The following BBX variants were observed in gnomAD, a reference collection of about 807,000 sequenced individuals.
BBX encodes BBX high mobility group box domain containing.
In BBX, 30 loss-of-function variants were observed where a neutral mutation model predicts 100.2. The observed-to-expected ratio is 0.30, with a 90% CI of 0.22 to 0.41. The LOEUF (loss-of-function observed/expected upper bound fraction) is 0.41. Ranked by LOEUF, BBX falls within the 10% of genes least tolerant of loss-of-function variation. The pLI, the probability that BBX is intolerant of heterozygous loss-of-function variation, is 1.00. For synonymous variants in BBX, 376 were observed against 388.1 expected, an observed-to-expected ratio of 0.97 and a Z score of 0.37; for missense variants, 1,023 against 1,129.8, an observed-to-expected ratio of 0.91 and a Z score of 1.35.
chr3:107,759,134 C>G (rs1560106628), intron 10 of BBX, among the ~76,000 whole-genome samples: 2 of 152,150 alleles, frequency 1.3e-5, no homozygotes, highest in Non-Finnish European at 2.9e-5. Flanking sequence ...GCCTGTACTC[C>G]CAACTTTAGC....
intron 9 of BBX, among the ~76,000 whole-genome samples, chr3:107,753,753 T>C (rs527542337): frequency 5.9e-5 from 9 of 152,308 alleles, no homozygotes; most frequent in Admixed American, 5.2e-4. Context: ...TGAAGTGCAG[T>C]GCTACGCAGC....
chr3:107,698,973 A>AAGGAC (rs998502113), intron 3 of BBX, among the ~76,000 whole-genome samples: 2 of 151,738 alleles, frequency 1.3e-5, no homozygotes, highest in African/African-American at 4.9e-5. Flanking sequence ...GAACAAGGAA[A>AAGGAC]AGGACTATGG....
rs561462530 is a variant in BBX at position 107,548,811 on chromosome 3, A to G, written c.-84+22413A>G. ...CACTGTGGAATACTATGCAGCCATA[A>G]AAAAGGAACAAAATCATGTCCTTTG... On this transcript the variant is annotated intron_variant, in intron 2 of 17. Transcript: ENST00000325805. Among the ~76,000 whole-genome samples the G allele has an allele frequency of 7.9e-5, 12 of 152,334 alleles. No individual in the cohort carries two copies. In the South Asian group the frequency reaches 2.5e-3, roughly 32 times the overall value.
intron 3 of BBX, among the ~76,000 whole-genome samples, chr3:107,673,707 T>C (rs1041282136): frequency 1.3e-5 from 2 of 152,168 alleles, no homozygotes; most frequent in Non-Finnish European, 2.9e-5. Flanking sequence ...TTCAAGTTTT[T>C]TTTTAGAAAT....
intron 5 of BBX, among the ~76,000 whole-genome samples, chr3:107,726,402 C>G (rs953693427): frequency 2.0e-5 from 3 of 151,876 alleles, no homozygotes; most frequent in Non-Finnish European, 4.4e-5. Context: ...TCCTTAAGGA[C>G]AAAGACTGTG....
rs572389742 is a variant in BBX, at chr3:107,584,579, GA to G, written c.-84+58183del. Among the ~76,000 whole-genome samples, 342 of 147,820 alleles carry G rather than the reference GA, an allele frequency of 2.3e-3. 2 individuals carry two copies. The highest frequency in any genetic ancestry group is 7.4e-3 in the African/African-American group (301 of 40,436). ...CATAAATGCTTAACACAGAACAATGGAATATCAAGAGGATTGGATGATGGGT... is the reference window on the plus strand; with the variant it reads ...CATAAATGCTTAACACAGAACAATGGATATCAAGAGGATTGGATGATGGGT... On this transcript the variant is annotated intron_variant, in intron 2 of 17. Transcript: ENST00000325805.
intron 13 of BBX, among the ~76,000 whole-genome samples, chr3:107,789,101 A>G (rs757861407): frequency 6.2e-4 from 95 of 152,102 alleles, no homozygotes; most frequent in Middle Eastern, 3.2e-3. Flanking sequence ...ATGTAGTTGC[A>G]GCTGTTGGTA....
rs1174828991 is a variant in BBX at position 107,808,040 on chromosome 3, T to G, written c.*2583T>G. 1.3e-5 allele frequency: 2 copies of G among 152,164 alleles called. No individual in the cohort carries two copies. Among genetic ancestry groups the G allele is most frequent in the Admixed American group, 1.3e-4 (2 of 15,274 alleles). 9.4% of individuals were successfully genotyped at this position (152,164 alleles called of 1,614,324 possible). On this transcript the variant is annotated 3_prime_UTR_variant, in exon 18 of 18. Coordinates refer to ENST00000325805, the MANE Select transcript of BBX (RefSeq NM_001142568.3). ...AACTGCTGGAGAGGAGTGTTGTTAT[T>G]TTCAGGTAACAACATTCGTTAGCAC...
chr3:107,745,086 A>G (rs1218772801), intron 8 of BBX, among the ~76,000 whole-genome samples: 1 of 152,082 alleles, frequency 6.6e-6, no homozygotes, highest in Non-Finnish European at 1.5e-5. Flanking sequence ...CAGCTAATCT[A>G]TGCATTTCTT....
At chr3:107,658,992 G>A (rs1043470406) in intron 3 of BBX, among the ~76,000 whole-genome samples, 4 of 152,058 alleles carry the variant, frequency 2.6e-5, no homozygotes, top group African/African-American at 9.7e-5. Flanking sequence ...ACCCCAGTTT[G>A]GGAATTCAGT....
At chr3:107,661,524 G>A (rs994928939) in intron 3 of BBX, among the ~76,000 whole-genome samples, 1 of 152,154 alleles carries the variant, frequency 6.6e-6, no homozygotes, top group African/African-American at 2.4e-5. Context: ...AATAGGTAAA[G>A]TTACAAGCTC....
At chr3:107,640,840 T>G (rs1397062171) in intron 2 of BBX, among the ~76,000 whole-genome samples, 1 of 152,044 alleles carries the variant, frequency 6.6e-6, no homozygotes, top group African/African-American at 2.4e-5. Flanking sequence ...TTTTGTATTT[T>G]TAGTAGAGAC....
chr3:107,717,509 C>T (rs1350697686), intron 5 of BBX, among the ~76,000 whole-genome samples: 1 of 151,880 alleles, frequency 6.6e-6, no homozygotes, highest in Non-Finnish European at 1.5e-5. Context: ...TGTTTCTGTT[C>T]TGTAGGTAGT....
At chr3:107,546,957 T>C (rs1242476419) in intron 2 of BBX, among the ~76,000 whole-genome samples, 1 of 152,214 alleles carries the variant, frequency 6.6e-6, no homozygotes, top group Non-Finnish European at 1.5e-5. Flanking sequence ...TTATTTATTC[T>C]GACTTGTGGG....
chr3:107,603,105 A>G (rs1395347704), intron 2 of BBX, among the ~76,000 whole-genome samples: 1 of 151,982 alleles, frequency 6.6e-6, no homozygotes, highest in Non-Finnish European at 1.5e-5. Flanking sequence ...CTGGGACTAT[A>G]GGCTCCCGCC....
intron 12 of BBX, 59 bp from the exon 13 acceptor site, chr3:107,778,312 T>C: frequency 1.3e-6 from 2 of 1,566,612 alleles, no homozygotes; most frequent in Non-Finnish European, 1.8e-6. Context: ...ATATTTCATG[T>C]CACTTTCTGT....
At chr3:107,724,689 C>T (rs1435455432) in intron 5 of BBX, among the ~76,000 whole-genome samples, 1 of 151,920 alleles carries the variant, frequency 6.6e-6, no homozygotes, top group Non-Finnish European at 1.5e-5. Flanking sequence ...TCTTGTTTTT[C>T]TCAGGTTTGT....
At chr3:107,547,631 G>A (rs182681507) in intron 2 of BBX, among the ~76,000 whole-genome samples, 1 of 152,022 alleles carries the variant, frequency 6.6e-6, no homozygotes, top group Admixed American at 6.6e-5. Context: ...TACTGCCTGT[G>A]GTGTACCCGG....
chr3:107,747,592 G>C (rs1242345104), intron 8 of BBX, among the ~76,000 whole-genome samples: 1 of 151,868 alleles, frequency 6.6e-6, no homozygotes, highest in African/African-American at 2.4e-5. Context: ...AGTGGTATTG[G>C]GAAGAGAGTG....
Sources: allele counts gnomAD v4.1 joint callset (sites outside exome capture counted in the v4.1 genomes callset), GRCh38; gene constraint gnomAD v4.1.1; transcripts MANE v1.5; gene names NCBI Gene and HGNC (gene_info 2026-07-23, HGNC 2026-07-21).